Variants in ZNF268 observed in about 807,000 individuals in gnomAD.
ZNF268 encodes the protein zinc finger protein 268.
A neutral mutation model predicts 29.3 loss-of-function variants in ZNF268; 20 were observed. That is an observed-to-expected ratio of 0.68 (90% CI 0.48 to 0.99). ZNF268 has a LOEUF of 0.99. Among genes scored for constraint, ZNF268 ranks in the 50% least tolerant of loss-of-function variants. ZNF268 has a pLI of 0.00. For missense variants in ZNF268, 1,240 were observed against 1,121.6 expected, an observed-to-expected ratio of 1.11 and a Z score of -1.51; for synonymous variants, 429 against 376.9, an observed-to-expected ratio of 1.14 and a Z score of -1.60.
rs1294170451 is a variant in ZNF268 at position 133,191,569 on chromosome 12, G to A, written c.315G>A (p.Leu105=). 6.2e-7 allele frequency: 1 copy of A among 1,614,096 alleles called. No homozygotes were observed. Among genetic ancestry groups the A allele is most frequent in the South Asian group, 1.1e-5 (1 of 91,078 alleles). The stretch of plus-strand genomic sequence containing the variant: ...TGCTAGACCCAGCACAGAAGTGCCT[G>A]TACAGGAGTGTGATGTTGGAGAACT... ...WQLLDPAQKC[L]YRSVMLENYS... The change falls in exon 4 of 6, where the codon CTG becomes CTA. Residue 105 remains leucine (L), a synonymous_variant. Transcript: ENST00000536435.
chr12:133,210,245 G>C lies in ZNF268; in HGVS notation c.*5715G>C, dbSNP rs1369015172. 1 of 154,514 alleles carries C rather than the reference G, an allele frequency of 6.5e-6. No homozygotes were observed. The highest frequency in any genetic ancestry group is 1.4e-5 in the Non-Finnish European group (1 of 69,516). The allele number at this position is 154,514 out of a possible 1,614,324, so 9.6% of individuals were successfully genotyped here. A position where few individuals can be genotyped will look rare whatever the true frequency, so the allele number is the denominator to read the frequency against. The stretch of plus-strand genomic sequence containing the variant: ...TCGTCACTGTGGGTGTACCCTACAG[G>C]AGTCTTCAGATATGGAAGCTCTGGA... On this transcript the variant is annotated 3_prime_UTR_variant, in exon 6 of 6. Transcript: ENST00000536435.
At position 133,204,362 on chromosome 12, in the gene ZNF268, TG is replaced by T; in HGVS notation, c.2679del (p.Cys894AlafsTer50). The T allele has an allele frequency of 6.4e-7, 1 of 1,570,796 alleles. No homozygotes were observed. The highest frequency in any genetic ancestry group is 8.6e-7 in the Non-Finnish European group (1 of 1,162,120). On this transcript the variant is annotated frameshift_variant, in exon 6 of 6. Transcript: ENST00000536435. LOFTEE classifies it high-confidence loss of function. ...GAACTCATTCAGGAGAGAAACCCTATGGGTGCAATGAATGTGGGAAAACCTT... is the reference window on the plus strand; with the variant it reads ...GAACTCATTCAGGAGAGAAACCCTATGGTGCAATGAATGTGGGAAAACCTT... Reference protein sequence around the residue: ...QRTHSGEKPYGCNECGKTFSQ... With the variant: ...QRTHSGEKPYXCNECGKTFSQ...
rs1170563828 is a variant in ZNF268, at chr12:133,209,357, C to G, written c.*4827C>G. 3 of 152,310 alleles carry G rather than the reference C, an allele frequency of 2.0e-5. No homozygotes were observed. The highest frequency in any genetic ancestry group is 4.4e-5 in the Non-Finnish European group (3 of 68,044). 9.4% of individuals were successfully genotyped at this position (152,310 alleles called of 1,614,324 possible). ...TCCTGGGCTCAAGCAGTCCACCTGC[C>G]TTGGCCTCCCAAAGTGCTAGGATTA... On this transcript the variant is annotated 3_prime_UTR_variant, in exon 6 of 6. Transcript: ENST00000536435.
intron 5 of ZNF268, among the ~76,000 whole-genome samples, chr12:133,200,998 A>G (rs1353698174): frequency 6.6e-6 from 1 of 152,082 alleles, no homozygotes; most frequent in South Asian, 2.1e-4. Flanking sequence ...GTTATTTCAT[A>G]TTTTTGGTTA....
chr12:133,213,623 G>A lies in ZNF268; in HGVS notation c.*9093G>A, dbSNP rs1477361570. The A allele has an allele frequency of 2.6e-5, 4 of 151,156 alleles. No individual in the cohort carries two copies. Among genetic ancestry groups the A allele is most frequent in the Non-Finnish European group, 5.9e-5 (4 of 67,944 alleles). 9.4% of individuals were successfully genotyped at this position (151,156 alleles called of 1,614,324 possible). On this transcript the variant is annotated 3_prime_UTR_variant, in exon 6 of 6. Coordinates refer to ENST00000536435, the MANE Select transcript of ZNF268 (RefSeq NM_003415.3). ...AGGCAGGAGGATCGCTTGAAGCTGT[G>A]AGGTGGAGGTTGCAGTGAGCCGAGA...
At chr12:133,198,197 G>C (rs1053456640) in intron 5 of ZNF268, among the ~76,000 whole-genome samples, 1 of 147,532 alleles carries the variant, frequency 6.8e-6, no homozygotes, top group Non-Finnish European at 1.5e-5. Context: ...AATCCATCTT[G>C]AATTGATTTT....
rs116693504 is a variant in ZNF268, at chr12:133,189,668, C to T, written c.234+1596C>T. Among the ~76,000 whole-genome samples, 105 of 152,272 alleles carry T rather than the reference C, an allele frequency of 6.9e-4. 1 individual carries two copies. Among genetic ancestry groups the T allele is most frequent in the African/African-American group, 2.4e-3 (98 of 41,556 alleles). On this transcript the variant is annotated intron_variant, in intron 3 of 5. Transcript: ENST00000536435. ...TTTTGGTATTTTCTTCATAAACAGT[C>T]GTGTCATCTTCATCTTTTCGTTGGC...
intron 5 of ZNF268, among the ~76,000 whole-genome samples, chr12:133,197,685 C>G (rs1315538760): frequency 6.6e-6 from 1 of 152,214 alleles, no homozygotes; most frequent in African/African-American, 2.4e-5. Context: ...TTCTCCACGT[C>G]CTCTCCAGCA....
intron 5 of ZNF268, among the ~76,000 whole-genome samples, chr12:133,195,421 T>G (rs969140181): frequency 6.6e-6 from 1 of 152,194 alleles, no homozygotes; most frequent in Admixed American, 6.5e-5. Context: ...ACAGGAACCA[T>G]GTGCCAGGTG....
At position 133,203,193 on chromosome 12, in the gene ZNF268, A is replaced by G. The variant is rs772627371; in HGVS notation, c.1507A>G (p.Asn503Asp). 3 of 1,537,810 alleles carry G rather than the reference A, an allele frequency of 2.0e-6. No individual in the cohort carries two copies. Among genetic ancestry groups the G allele is most frequent in the African/African-American group, 2.7e-5 (2 of 73,048 alleles). The change falls in exon 6 of 6, where the codon AAT becomes GAT. Residue 503 changes from asparagine (N) to aspartate (D), a missense_variant. This residue lies in a region of ZNF268 where 1,177 missense variants were observed against 1,039.6 expected (regional missense o/e 1.13). Transcript: ENST00000536435. Reference sequence around the variant, plus strand: ...CACAGGAATGAAACCTTATGTATGCAATGAATGTGGCAAAGCCTTCAGGAG... The same window carrying G: ...CACAGGAATGAAACCTTATGTATGCGATGAATGTGGCAAAGCCTTCAGGAG... ...SHTGMKPYVC[N>D]ECGKAFRSKS...
At position 133,205,908 on chromosome 12, in the gene ZNF268, A is replaced by G. The variant is rs1199453170; in HGVS notation, c.*1378A>G. On this transcript the variant is annotated 3_prime_UTR_variant, in exon 6 of 6. Coordinates refer to ENST00000536435, the MANE Select transcript of ZNF268 (RefSeq NM_003415.3). ...ACTGTACATTGTTAATGGGTTTTTC[A>G]AGTTCAGAAAAGCAACATGAGCTTT... The G allele has an allele frequency of 2.0e-5, 3 of 152,220 alleles. No individual in the cohort carries two copies. Among genetic ancestry groups the G allele is most frequent in the Non-Finnish European group, 4.4e-5 (3 of 68,036 alleles). 9.4% of individuals were successfully genotyped at this position (152,220 alleles called of 1,614,324 possible). A position where few individuals can be genotyped will look rare whatever the true frequency, so the allele number is the denominator to read the frequency against.
chr12:133,189,946 T>C (rs1166048224), intron 3 of ZNF268, among the ~76,000 whole-genome samples: 1 of 152,214 alleles, frequency 6.6e-6, no homozygotes, highest in East Asian at 1.9e-4. Flanking sequence ...CAGCTAGGAC[T>C]ACAGGCATGT....
chr12:133,195,313 A>C (rs1956567135), intron 5 of ZNF268, among the ~76,000 whole-genome samples: 1 of 152,190 alleles, frequency 6.6e-6, no homozygotes, highest in Non-Finnish European at 1.5e-5. Context: ...TTGCCTTTGG[A>C]CCACAGCCAG....
In ZNF268 at chr12:133,204,074, T is replaced by A; in HGVS notation, c.2388T>A (p.Ile796=). ...GKAFSSKSYL[I]IHMRTHSGEK... ...CTTTTAGCAGCAAGTCATACCTAAT[T>A]ATACACATGAGAACTCATTCAGGTG... The change falls in exon 6 of 6, where the codon ATT becomes ATA. Residue 796 remains isoleucine (I), a synonymous_variant. Transcript: ENST00000536435. 6.4e-7 allele frequency: 1 copy of A among 1,555,462 alleles called. No homozygotes were observed. Among genetic ancestry groups the A allele is most frequent in the Middle Eastern group, 1.7e-4 (1 of 6,000 alleles).
In ZNF268 at chr12:133,207,931, A is replaced by G. The variant is rs1956928561; in HGVS notation, c.*3401A>G. On this transcript the variant is annotated 3_prime_UTR_variant, in exon 6 of 6. Transcript: ENST00000536435. Reference sequence around the variant, plus strand: ...AATCACTTGATGGAATTTAACACCCATAGATGACACTAAAATACTATTAAG... The same window carrying G: ...AATCACTTGATGGAATTTAACACCCGTAGATGACACTAAAATACTATTAAG... 1 of 152,260 alleles carries G rather than the reference A, an allele frequency of 6.6e-6. No individual in the cohort carries two copies. The highest frequency in any genetic ancestry group is 2.4e-5 in the African/African-American group (1 of 41,462). 9.4% of individuals were successfully genotyped at this position (152,260 alleles called of 1,614,324 possible). A position where few individuals can be genotyped will look rare whatever the true frequency, so the allele number is the denominator to read the frequency against.
intron 2 of ZNF268, 111 bp from the exon 3 acceptor site, chr12:133,187,761 C>T: frequency 9.1e-7 from 1 of 1,097,962 alleles, no homozygotes; most frequent in Admixed American, 2.6e-5. Flanking sequence ...TGAAGTTAAA[C>T]CTGCCTTGTT....
At position 133,189,778 on chromosome 12, in the gene ZNF268, C is replaced by A. The variant is rs138283309; in HGVS notation, c.234+1706C>A. On this transcript the variant is annotated intron_variant, in intron 3 of 5. Coordinates refer to ENST00000536435, the MANE Select transcript of ZNF268 (RefSeq NM_003415.3). ...ATGCTGTTAACTACAAATTTTATTT[C>A]TTTAATAGATATGTAATAATTAAGC... Among the ~76,000 whole-genome samples, 6 of 152,234 alleles carry A rather than the reference C, an allele frequency of 3.9e-5. No individual in the cohort carries two copies. In the South Asian group the frequency reaches 1.0e-3, roughly 26 times the overall value.
chr12:133,187,309 A>G (rs1956347543), intron 2 of ZNF268, among the ~76,000 whole-genome samples: 1 of 150,854 alleles, frequency 6.6e-6, no homozygotes, highest in African/African-American at 2.4e-5. Flanking sequence ...GATATTTCTC[A>G]TTTCACATTT....
intron 5 of ZNF268, among the ~76,000 whole-genome samples, chr12:133,194,711 G>C (rs1488584120): frequency 1.3e-5 from 2 of 152,084 alleles, no homozygotes; most frequent in Non-Finnish European, 2.9e-5. Flanking sequence ...GATAGAAATG[G>C]GTCTTCACTT....
Sources: allele counts gnomAD v4.1 joint callset (sites outside exome capture counted in the v4.1 genomes callset), GRCh38; gene constraint gnomAD v4.1.1; regional missense constraint gnomAD v4.1.1; transcripts MANE v1.5; gene names NCBI Gene and HGNC (gene_info 2026-07-23, HGNC 2026-07-21).